The following SLC25A21 variants were observed in gnomAD, a reference collection of about 807,000 sequenced individuals.
SLC25A21 encodes mitochondrial 2-oxodicarboxylate carrier.
SLC25A21 carries 47 observed loss-of-function variants against 43.8 expected under a neutral mutation model. The observed-to-expected ratio is 1.07, with a 90% CI of 0.85 to 1.37. The LOEUF is 1.37. Ranked by LOEUF, SLC25A21 falls within the 40% of genes most tolerant of loss-of-function variation. SLC25A21 has a pLI of 0.00. For missense variants in SLC25A21, 352 were observed against 350.2 expected, an observed-to-expected ratio of 1.00 and a Z score of -0.04; for synonymous variants, 131 against 121.3, an observed-to-expected ratio of 1.08 and a Z score of -0.52.
At position 36,941,117 on chromosome 14, in the gene SLC25A21, T is replaced by C. The variant is rs573050090; in HGVS notation, c.71-66113A>G. On this transcript the variant is annotated intron_variant, in intron 1 of 9. Transcript: ENST00000331299. ...ATTTACTCAAGCTTTACTCAAAATATTGACACTATTTAGTATCAAACCAAA... is the reference window on the plus strand; with the variant it reads ...ATTTACTCAAGCTTTACTCAAAATACTGACACTATTTAGTATCAAACCAAA... 2.0e-5 allele frequency among the ~76,000 whole-genome samples: 3 copies of C among 152,222 alleles called. No homozygotes were observed. In the East Asian group the frequency reaches 5.8e-4, roughly 29 times the overall value.
intron 1 of SLC25A21, among the ~76,000 whole-genome samples, chr14:36,923,010 C>T (rs1032777617): frequency 6.6e-6 from 1 of 151,874 alleles, no homozygotes; most frequent in South Asian, 2.1e-4. Flanking sequence ...AAAAACAGAC[C>T]CAGAAATGAC....
At chr14:37,160,332 A>G (rs1425919533) in intron 1 of SLC25A21, among the ~76,000 whole-genome samples, 1 of 152,236 alleles carries the variant, frequency 6.6e-6, no homozygotes, top group Non-Finnish European at 1.5e-5. Flanking sequence ...CCATGAAAAG[A>G]TGACTGGATA....
intron 1 of SLC25A21, among the ~76,000 whole-genome samples, chr14:36,948,084 C>T (rs1001139143): frequency 6.6e-6 from 1 of 152,138 alleles, no homozygotes; most frequent in African/African-American, 2.4e-5. Context: ...GAAGCGTGCA[C>T]ACATCAGTTT....
In SLC25A21 at chr14:37,123,004, G is replaced by A. The variant is rs553013546; in HGVS notation, c.70+49277C>T. 3.9e-5 allele frequency among the ~76,000 whole-genome samples: 6 copies of A among 152,296 alleles called. 1 individual carries two copies. Among genetic ancestry groups the A allele is most frequent in the Admixed American group, 2.6e-4 (4 of 15,296 alleles). On this transcript the variant is annotated intron_variant, in intron 1 of 9. Transcript: ENST00000331299. ...AGATACTTGCTTCTCAAAAGCTGAA[G>A]TGAAACGTACGCTCTATGAATGCTT... is the stretch of plus-strand genomic sequence containing the variant.
At chr14:36,928,960 AAAT>A (rs1228915773) in intron 1 of SLC25A21, among the ~76,000 whole-genome samples, 4 of 152,196 alleles carry the variant, frequency 2.6e-5, no homozygotes, top group Non-Finnish European at 5.9e-5. Context: ...TACACATAGA[AAAT>A]AGAAATGTTG....
At chr14:36,825,619 C>T (rs775266924) in intron 2 of SLC25A21, among the ~76,000 whole-genome samples, 94 of 152,174 alleles carry the variant, frequency 6.2e-4, no homozygotes, top group Non-Finnish European at 1.2e-3. Flanking sequence ...TTGTAAAATG[C>T]TGACTTTAGC....
chr14:36,725,517 AAATAAATAAATT>A, intron 6 of SLC25A21, 41 bp downstream of exon 6: 1 of 583,914 alleles, frequency 1.7e-6, no homozygotes, highest in Admixed American at 4.6e-5. Context: ...ATAAATAAAT[AAATAAATAAATT>A]TTTACATGCC....
rs984906336 is a variant in SLC25A21, at chr14:37,063,137, C to T, written c.70+109144G>A. ...CAAGAAAACAGGATGGAGAAACCGC[C>T]CCCATGATTCAATTACCTCCACCGG... is the stretch of plus-strand genomic sequence containing the variant. On this transcript the variant is annotated intron_variant, in intron 1 of 9. Coordinates refer to ENST00000331299, the MANE Select transcript of SLC25A21 (RefSeq NM_030631.4). 2.6e-5 allele frequency among the ~76,000 whole-genome samples: 4 copies of T among 152,034 alleles called. No homozygotes were observed. The East Asian group carries it at 7.7e-4, about 29-fold the overall frequency.
chr14:37,136,856 A>C, intron 1 of SLC25A21, among the ~76,000 whole-genome samples: 1 of 152,214 alleles, frequency 6.6e-6, no homozygotes, highest in East Asian at 1.9e-4. Flanking sequence ...GAAAAGAAAA[A>C]ATTGTGCAGA....
At chr14:36,992,428 T>TA (rs11453708) in intron 1 of SLC25A21, among the ~76,000 whole-genome samples, 30,442 of 151,976 alleles carry the variant, frequency 0.2, 3,303 homozygotes, top group East Asian at 0.34. Context: ...AAATAAATAA[T>TA]AAAAAAATTT....
At chr14:37,167,508 T>A (rs1964049509) in intron 1 of SLC25A21, among the ~76,000 whole-genome samples, 2 of 151,150 alleles carry the variant, frequency 1.3e-5, no homozygotes, top group South Asian at 4.2e-4. Flanking sequence ...TCATTTATAG[T>A]TTACAGTTTA....
chr14:36,798,256 G>T (rs1163448295), intron 3 of SLC25A21, among the ~76,000 whole-genome samples: 1 of 152,044 alleles, frequency 6.6e-6, no homozygotes. Flanking sequence ...TCAATGAAAG[G>T]GACACTTTGA....
At chr14:36,709,038 C>T (rs929438781) in intron 7 of SLC25A21, among the ~76,000 whole-genome samples, 4 of 151,032 alleles carry the variant, frequency 2.6e-5, no homozygotes, top group South Asian at 2.1e-4. Flanking sequence ...GATGGAGGCT[C>T]GCTCTGTTGC....
Position 36,910,430 on chromosome 14 carries a change from TAAAG to T in SLC25A21, c.71-35430_71-35427del, listed in dbSNP as rs1891656474. Among the ~76,000 whole-genome samples, 3 of 152,120 alleles carry T rather than the reference TAAAG, an allele frequency of 2.0e-5. No individual in the cohort carries two copies. The South Asian group carries it at 6.2e-4, about 32-fold the overall frequency. The stretch of plus-strand genomic sequence containing the variant: ...TAGCAACAGGACCTCACCATATTTC[TAAAG>T]GGAGAACTCTTGCACCAGAATTAGA... On this transcript the variant is annotated intron_variant, in intron 1 of 9. Transcript: ENST00000331299.
intron 1 of SLC25A21, among the ~76,000 whole-genome samples, chr14:37,046,806 G>C (rs1961596506): frequency 6.6e-6 from 1 of 152,118 alleles, no homozygotes; most frequent in African/African-American, 2.4e-5. Flanking sequence ...TTAGGTCCCA[G>C]CAGAAACAAG....
intron 1 of SLC25A21, among the ~76,000 whole-genome samples, chr14:37,099,806 T>G (rs182225845): frequency 2.6e-5 from 4 of 152,126 alleles, no homozygotes; most frequent in Non-Finnish European, 5.9e-5. Flanking sequence ...CCCGGAGCTC[T>G]GAGAGAGTAA....
chr14:36,881,583 C>T (rs1890726524), intron 1 of SLC25A21, among the ~76,000 whole-genome samples: 1 of 152,136 alleles, frequency 6.6e-6, no homozygotes, highest in African/African-American at 2.4e-5. Context: ...CCACCCTTGC[C>T]CTTTTTTTCT....
At chr14:36,751,022 AG>A (rs560006070) in intron 3 of SLC25A21, among the ~76,000 whole-genome samples, 346 of 152,274 alleles carry the variant, frequency 2.3e-3, no homozygotes, top group African/African-American at 7.8e-3. Flanking sequence ...GGCGGGCTAG[AG>A]GGGCTTTGTT....
intron 3 of SLC25A21, among the ~76,000 whole-genome samples, chr14:36,777,684 C>A (rs1264195588): frequency 6.6e-6 from 1 of 152,148 alleles, no homozygotes; most frequent in Non-Finnish European, 1.5e-5. Flanking sequence ...GGGATGGTTT[C>A]TCTTTCAAAA....
Sources: gnomAD v4.1 joint callset for allele counts (sites outside exome capture counted in the v4.1 genomes callset) on GRCh38, gnomAD v4.1.1 for gene constraint, MANE v1.5 for transcripts, NCBI Gene and HGNC (gene_info 2026-07-23, HGNC 2026-07-21) for gene names.